The following BRD10 variants were observed in gnomAD, a reference collection of about 807,000 sequenced individuals.
The protein encoded by BRD10 is uncharacterized bromodomain-containing protein 10.
the BRD10 span, chr9:5,921,434 G>A: frequency 6.2e-7 from 1 of 1,613,944 alleles, no homozygotes; most frequent in African/African-American, 1.3e-5. Context: ...TGCAACAAGA[G>A]TTGGGGTTGA....
chr9:5,988,689 C>T, the BRD10 span: 4 of 624,546 alleles, frequency 6.4e-6, no homozygotes, highest in Non-Finnish European at 8.3e-6. Flanking sequence ...AACTTTTTAT[C>T]CTCCCTACAC....
the BRD10 span, among the ~76,000 whole-genome samples, chr9:5,939,710 G>A: frequency 0.19 from 29,149 of 152,138 alleles, 3,004 homozygotes; most frequent in Middle Eastern, 0.29. Context: ...AGCAAATACA[G>A]GCTTTTACCA....
At chr9:5,950,097 T>G in the BRD10 span, among the ~76,000 whole-genome samples, 1 of 152,214 alleles carries the variant, frequency 6.6e-6, no homozygotes, top group African/African-American at 2.4e-5. Context: ...TTCACTCTCA[T>G]CAAACATAAT....
At chr9:5,999,919 T>G in the BRD10 span, among the ~76,000 whole-genome samples, 1 of 152,164 alleles carries the variant, frequency 6.6e-6, no homozygotes, top group Admixed American at 6.5e-5. Flanking sequence ...TGCATGCTTT[T>G]GAACACTGTG....
At chr9:5,883,606 C>T in the BRD10 span, among the ~76,000 whole-genome samples, 1 of 151,770 alleles carries the variant, frequency 6.6e-6, no homozygotes, top group African/African-American at 2.4e-5. Flanking sequence ...CCTGTGACCA[C>T]AGGTGCGCAC....
chr9:5,929,341 A>G, the BRD10 span, among the ~76,000 whole-genome samples: 8 of 152,234 alleles, frequency 5.3e-5, no homozygotes, highest in Non-Finnish European at 4.4e-5. Context: ...AACAATTCTC[A>G]ATTCTACCAG....
At chr9:5,989,364 G>T in the BRD10 span, among the ~76,000 whole-genome samples, 7 of 147,982 alleles carry the variant, frequency 4.7e-5, no homozygotes, top group African/African-American at 1.7e-4. Flanking sequence ...TTGGGAGGTT[G>T]AGGCTGCAAT....
the BRD10 span, chr9:5,922,585 T>C: frequency 6.2e-7 from 1 of 1,613,910 alleles, no homozygotes; most frequent in Admixed American, 1.7e-5. Context: ...GTGGGAAAGA[T>C]GAACAATGTT....
At chr9:5,950,833 T>C in the BRD10 span, among the ~76,000 whole-genome samples, 1 of 152,072 alleles carries the variant, frequency 6.6e-6, no homozygotes, top group Non-Finnish European at 1.5e-5. Context: ...CATCCTCCCA[T>C]ATACTTTAGG....
At chr9:5,975,439 CAAAAAAA>C in the BRD10 span, among the ~76,000 whole-genome samples, 1 of 61,244 alleles carries the variant, frequency 1.6e-5, no homozygotes, top group Non-Finnish European at 2.7e-5. Context: ...AACTCCATCT[CAAAAAAA>C]AAAAAAAAAA....
chr9:5,976,470 G>C, the BRD10 span, among the ~76,000 whole-genome samples: 1 of 152,142 alleles, frequency 6.6e-6, no homozygotes, highest in African/African-American at 2.4e-5. Flanking sequence ...CAGAAACTGG[G>C]TTTGTTTATT....
At chr9:5,885,519 C>A in the BRD10 span, among the ~76,000 whole-genome samples, 4 of 152,010 alleles carry the variant, frequency 2.6e-5, no homozygotes, top group South Asian at 2.1e-4. Context: ...TACAGGCATG[C>A]ACCACCACGC....
chr9:5,968,102 A>G, the BRD10 span: 1 of 1,569,102 alleles, frequency 6.4e-7, no homozygotes, highest in Admixed American at 1.9e-5. Flanking sequence ...CTTGAATGCA[A>G]GAGAATGAAG....
At chr9:5,914,925 T>A in the BRD10 span, among the ~76,000 whole-genome samples, 1 of 151,996 alleles carries the variant, frequency 6.6e-6, no homozygotes, top group Non-Finnish European at 1.5e-5. Context: ...TTACAAAAAA[T>A]GTGAATAACA....
At chr9:5,917,245 T>C in the BRD10 span, among the ~76,000 whole-genome samples, 1 of 152,226 alleles carries the variant, frequency 6.6e-6, no homozygotes, top group Non-Finnish European at 1.5e-5. Context: ...ATAATAATGC[T>C]GGCTGAGGTA....
chr9:5,973,657 G>A, the BRD10 span, among the ~76,000 whole-genome samples: 1 of 152,192 alleles, frequency 6.6e-6, no homozygotes, highest in African/African-American at 2.4e-5. Flanking sequence ...GGGAGGCCGA[G>A]GTGGGAGGAT....
the BRD10 span, among the ~76,000 whole-genome samples, chr9:5,992,582 TTCTG>T: frequency 6.6e-6 from 1 of 152,226 alleles, no homozygotes; most frequent in African/African-American, 2.4e-5. Context: ...CAAGCTTTTT[TTCTG>T]TCTATTAGGG....
At chr9:5,980,334 G>C in the BRD10 span, among the ~76,000 whole-genome samples, 1 of 152,122 alleles carries the variant, frequency 6.6e-6, no homozygotes, top group Non-Finnish European at 1.5e-5. Context: ...AGACTACCAA[G>C]CCTTTCTCAG....
the BRD10 span, among the ~76,000 whole-genome samples, chr9:5,996,262 A>G: frequency 6.6e-6 from 1 of 152,190 alleles, no homozygotes; most frequent in Non-Finnish European, 1.5e-5. Flanking sequence ...AGCAACAGGT[A>G]AATGACATAA....
Sources: gnomAD v4.1 joint callset for allele counts (sites outside exome capture counted in the v4.1 genomes callset) on GRCh38, gnomAD v4.1.1 for gene constraint, MANE v1.5 for transcripts, NCBI Gene and HGNC (gene_info 2026-07-23, HGNC 2026-07-21) for gene names.